Variants in PLEKHA6 observed in about 807,000 individuals in gnomAD.
PLEKHA6 encodes pleckstrin homology domain containing A6.
PLEKHA6 carries 60 observed loss-of-function variants against 116.7 expected under a neutral mutation model. The ratio of observed to expected loss-of-function variants is 0.51; its 90% CI spans 0.42 to 0.64. The LOEUF (loss-of-function observed/expected upper bound fraction) is 0.64, where lower values mean the gene tolerates loss of function less well. PLEKHA6 is among the 30% of genes least tolerant of loss of function. The pLI is 0.00. For missense variants in PLEKHA6, 1,338 were observed against 1,422.7 expected (o/e 0.94, Z 0.96); for synonymous variants, 489 against 556.1 (o/e 0.88, Z 1.70).
At chr1:204,326,198 C>T (rs997185481) in intron 1 of PLEKHA6, among the ~76,000 whole-genome samples, 1 of 152,180 alleles carries the variant, frequency 6.6e-6, no homozygotes. Context: ...AAACAGAGCC[C>T]GGCTCCAACA....
chr1:204,350,319 TCAAAAA>T (rs1416580650), intron 1 of PLEKHA6, among the ~76,000 whole-genome samples: 1 of 152,260 alleles, frequency 6.6e-6, no homozygotes, highest in South Asian at 2.1e-4. Context: ...AGACCGTGTC[TCAAAAA>T]CAAAAACAAA....
intron 1 of PLEKHA6, among the ~76,000 whole-genome samples, chr1:204,335,767 G>A (rs1672625923): frequency 6.6e-6 from 1 of 152,092 alleles, no homozygotes; most frequent in Non-Finnish European, 1.5e-5. Context: ...AGGGCCAGCT[G>A]CTCTGAGCTG....
rs1363484909 is a variant in PLEKHA6 at position 204,259,778 on chromosome 1, G to C, written c.525-38C>G. On this transcript the variant is annotated intron_variant, in intron 7 of 22. Transcript: ENST00000272203. This position sits in a 1 kb window ranked among gnomAD's most constrained non-coding sequence, Gnocchi z 4.6. Reference sequence around the variant, plus strand: ...AAGGGAGATGCTGTCAGTGACTCTAGCCCAGCATGGAGTGGGGCAGGGGGT... The same window carrying C: ...AAGGGAGATGCTGTCAGTGACTCTACCCCAGCATGGAGTGGGGCAGGGGGT... The C allele has an allele frequency of 1.3e-6, 2 of 1,565,274 alleles. No homozygotes were observed. Among genetic ancestry groups the C allele is most frequent in the East Asian group, 4.5e-5 (2 of 44,360 alleles).
At chr1:204,323,821 G>C (rs1672149053) in intron 1 of PLEKHA6, among the ~76,000 whole-genome samples, 1 of 152,216 alleles carries the variant, frequency 6.6e-6, no homozygotes, top group South Asian at 2.1e-4. Context: ...AGCCTTTTGA[G>C]ATGGTTGTTG....
In PLEKHA6 at chr1:204,281,224, A is replaced by G. The variant is rs189777907; in HGVS notation, c.-94-6415T>C. Reference sequence around the variant, plus strand: ...AAGGCCCCCATCTCTAAAAAAAACCAAAAACAAACAAACAAAAAAGGCCGG... The same window carrying G: ...AAGGCCCCCATCTCTAAAAAAAACCGAAAACAAACAAACAAAAAAGGCCGG... On this transcript the variant is annotated intron_variant, in intron 1 of 22. Coordinates refer to ENST00000272203, the MANE Select transcript of PLEKHA6 (RefSeq NM_014935.5). 180 of 152,326 alleles carry G rather than the reference A, an allele frequency of 1.2e-3. 1 individual carries two copies. The highest frequency in any genetic ancestry group is 6.9e-3 in the Middle Eastern group (2 of 290). 9.4% of individuals were successfully genotyped at this position (152,326 alleles called of 1,614,324 possible). A position where few individuals can be genotyped will look rare whatever the true frequency, so the allele number is the denominator to read the frequency against.
chr1:204,294,132 C>A (rs1240856459), intron 1 of PLEKHA6, among the ~76,000 whole-genome samples: 3 of 152,074 alleles, frequency 2.0e-5, no homozygotes, highest in Non-Finnish European at 4.4e-5. Flanking sequence ...CTGCATTAAG[C>A]CAAACACCCT....
At chr1:204,328,612 C>CCGACCTCAGGTGATCCGT (rs1177736474) in intron 1 of PLEKHA6, among the ~76,000 whole-genome samples, 1 of 152,082 alleles carries the variant, frequency 6.6e-6, no homozygotes, top group African/African-American at 2.4e-5. Flanking sequence ...TATCAAACTC[C>CCGACCTCAGGTGATCCGT]CGACCTCAGG....
chr1:204,348,603 C>A (rs1156729548), intron 1 of PLEKHA6, among the ~76,000 whole-genome samples: 1 of 152,112 alleles, frequency 6.6e-6, no homozygotes, highest in East Asian at 1.9e-4. Context: ...CAGGCCTTAT[C>A]TTTATTTTAT....
chr1:204,246,080 G>A (rs1313028189), intron 13 of PLEKHA6, among the ~76,000 whole-genome samples: 1 of 152,140 alleles, frequency 6.6e-6, no homozygotes, highest in Non-Finnish European at 1.5e-5. Context: ...TGGGGCAAGA[G>A]CTTCCATTTT....
intron 2 of PLEKHA6, chr1:204,368,430 C>A (rs903432352): frequency 6.6e-6 from 1 of 151,906 alleles, no homozygotes; most frequent in African/African-American, 2.4e-5. Flanking sequence ...AAGAGACTTG[C>A]AATTTTTAAA....
chr1:204,286,509 G>C (rs563384426), intron 1 of PLEKHA6, among the ~76,000 whole-genome samples: 27 of 152,160 alleles, frequency 1.8e-4, no homozygotes, highest in Non-Finnish European at 2.5e-4. Context: ...CTGAGTAACA[G>C]GTGAGCCTGC....
At chr1:204,288,715 C>CCTGG (rs1332109054) in intron 1 of PLEKHA6, among the ~76,000 whole-genome samples, 1 of 152,144 alleles carries the variant, frequency 6.6e-6, no homozygotes, top group Non-Finnish European at 1.5e-5. Flanking sequence ...GCAATTTGAG[C>CCTGG]CTGGCTGTTC....
intron 17 of PLEKHA6, among the ~76,000 whole-genome samples, chr1:204,235,910 G>T (rs1384149325): frequency 6.6e-6 from 1 of 152,176 alleles, no homozygotes; most frequent in Non-Finnish European, 1.5e-5. Flanking sequence ...TGAAGCAGTT[G>T]CCAGGCAAGA....
At chr1:204,351,360 C>T (rs1320002250) in intron 1 of PLEKHA6, among the ~76,000 whole-genome samples, 3 of 152,232 alleles carry the variant, frequency 2.0e-5, no homozygotes, top group East Asian at 1.9e-4. Context: ...AACCCGACCC[C>T]TCCCACCTTC....
At chr1:204,230,348 C>G (rs1037511670) in intron 18 of PLEKHA6, 65 bp downstream of exon 18, 1 of 1,340,100 alleles carries the variant, frequency 7.5e-7, no homozygotes. Flanking sequence ...GCTGGCCATG[C>G]CCTGGGAGTG....
chr1:204,332,331 G>GA (rs1266384087), intron 1 of PLEKHA6, among the ~76,000 whole-genome samples: 1 of 152,052 alleles, frequency 6.6e-6, no homozygotes, highest in African/African-American at 2.4e-5. Context: ...GGTTACCTCT[G>GA]AATCAACCCA....
In PLEKHA6 at chr1:204,238,892, TG is replaced by T. The variant is rs1246875917; in HGVS notation, c.2409+2482del. On this transcript the variant is annotated intron_variant, in intron 17 of 22. Coordinates refer to ENST00000272203, the MANE Select transcript of PLEKHA6 (RefSeq NM_014935.5). The surrounding 1 kb of genome is among the most constrained non-coding windows in gnomAD (Gnocchi z 4.2). ...CAGAACTTCAAGCAGTGCACCTGGC[TG>T]TGCACTTTGCATGGAAGGAGAAATG... Among the ~76,000 whole-genome samples the T allele has an allele frequency of 6.6e-6, 1 of 152,232 alleles. No homozygotes were observed. The highest frequency in any genetic ancestry group is 1.9e-4 in the East Asian group (1 of 5,198).
intron 1 of PLEKHA6, among the ~76,000 whole-genome samples, chr1:204,332,144 C>T (rs1672476731): frequency 6.6e-6 from 1 of 152,234 alleles, no homozygotes; most frequent in African/African-American, 2.4e-5. Flanking sequence ...CTAGCTCACC[C>T]TTTGCCGGCA....
intron 1 of PLEKHA6, among the ~76,000 whole-genome samples, chr1:204,320,950 A>G (rs1480116329): frequency 6.6e-6 from 1 of 152,210 alleles, no homozygotes; most frequent in East Asian, 1.9e-4. Flanking sequence ...CTGGAAATGA[A>G]GCAGGAGGCT....
Sources: allele counts gnomAD v4.1 joint callset (sites outside exome capture counted in the v4.1 genomes callset), GRCh38; gene constraint gnomAD v4.1.1; non-coding constraint Gnocchi (gnomAD v3.1); transcripts MANE v1.5; gene names NCBI Gene and HGNC (gene_info 2026-07-23, HGNC 2026-07-21).